Variants in FASN observed in about 807,000 individuals in gnomAD.
The protein encoded by FASN is 3-hydroxyacyl-[acyl-carrier-protein] dehydratase.
Under a neutral mutation model 250.0 loss-of-function variants are expected in FASN, and 50 were observed. The observed-to-expected ratio is 0.20, with a 90% CI of 0.16 to 0.25. FASN has a LOEUF of 0.25. Among genes scored for constraint, FASN ranks in the 10% least tolerant of loss-of-function variants. The pLI is 1.00. For missense variants in FASN, 3,031 were observed against 3,498.5 expected (o/e 0.87, Z 3.37); for synonymous variants, 1,909 against 1,584.0 (o/e 1.21, Z -4.87).
At position 82,088,342 on chromosome 17, in the gene FASN, C is replaced by A. The variant is rs370201536; in HGVS notation, c.2594-35G>T. 18 of 1,610,084 alleles carry A rather than the reference C, an allele frequency of 1.1e-5. No homozygotes were observed. The African/African-American group carries it at 2.1e-4, about 19-fold the overall frequency. On this transcript the variant is annotated intron_variant, in intron 16 of 42. Coordinates refer to ENST00000306749, the MANE Select transcript of FASN (RefSeq NM_004104.5). ...GGCACAGGCCTCAGCACAGAGCGGG[C>A]GTCTGTGGGGAGGGAAGAGTCTGCC...
Position 82,092,738 on chromosome 17 carries a change from C to T in FASN, c.853G>A (p.Glu285Lys). 6.2e-7 allele frequency: 1 copy of T among 1,604,272 alleles called. No individual in the cohort carries two copies. Among genetic ancestry groups the T allele is most frequent in the Non-Finnish European group, 8.5e-7 (1 of 1,177,284 alleles). ...SLYQSAGVAPESFEYIEAHGT... is the reference protein window; with the variant it reads ...SLYQSAGVAPKSFEYIEAHGT... ...TGGGCTTCGATGTATTCAAATGACT[C>T]AGGGGCCACTCCGGCCGACTGGTAC... The change falls in exon 7 of 43, where the codon GAG (glutamate) becomes AAG (lysine). Residue 285 changes from glutamate to lysine, a missense_variant. Physicochemically the swap from Glu to Lys is moderately conservative, Grantham distance 56. Coordinates refer to ENST00000306749, the MANE Select transcript of FASN (RefSeq NM_004104.5).
At chr17:82,096,588 G>A (rs899239436) in intron 1 of FASN, 136 bp from the exon 2 acceptor site, 16 of 1,358,536 alleles carry the variant, frequency 1.2e-5, no homozygotes, top group Non-Finnish European at 1.5e-5. Flanking sequence ...TGGCTCCTGC[G>A]GCTCCCTTCC....
chr17:82,093,754 G>A lies in FASN; in HGVS notation c.298C>T (p.Leu100Phe). 1 of 1,612,596 alleles carries A rather than the reference G, an allele frequency of 6.2e-7. No individual in the cohort carries two copies. The highest frequency in any genetic ancestry group is 1.3e-5 in the African/African-American group (1 of 75,044). Residue 100 changes from leucine (L) to phenylalanine (F), a missense_variant, in exon 4 of 43, where the codon CTC (leucine) becomes TTC (phenylalanine). Transcript: ENST00000306749. Reference sequence around the variant, plus strand: ...CAGACGCCAGTGTGTGTTCCTCGGAGTGAATCTGGGTTGATGCCTGCCACA... The same window carrying A: ...CAGACGCCAGTGTGTGTTCCTCGGAATGAATCTGGGTTGATGCCTGCCACA... ...IVDGGINPDSLRGTHTGVWVG... is the reference protein window; with the variant it reads ...IVDGGINPDSFRGTHTGVWVG...
At chr17:82,094,461 G>A (rs949641836) in intron 3 of FASN, among the ~76,000 whole-genome samples, 1 of 151,874 alleles carries the variant, frequency 6.6e-6, no homozygotes, top group African/African-American at 2.4e-5. Context: ...CCCTCAGGAG[G>A]TCCTTCTCCG....
rs1209132909 is a variant in FASN, at chr17:82,082,899, C to T, written c.5767+15G>A. The T allele has an allele frequency of 1.2e-6, 2 of 1,612,380 alleles. No individual in the cohort carries two copies. Among genetic ancestry groups the T allele is most frequent in the Non-Finnish European group, 1.7e-6 (2 of 1,179,786 alleles). On this transcript the variant is annotated intron_variant, in intron 33 of 42. Transcript: ENST00000306749. ...CCTGGCCCAGGCTGGTCCACAAGCACCCCTGCCGACTCACCTGTCCGGATC... is the reference window on the plus strand; with the variant it reads ...CCTGGCCCAGGCTGGTCCACAAGCATCCCTGCCGACTCACCTGTCCGGATC...
chr17:82,084,775 G>A (rs1363856398), intron 26 of FASN, 24 bp downstream of exon 26: 8 of 1,550,236 alleles, frequency 5.2e-6, no homozygotes, highest in Middle Eastern at 1.7e-4. Context: ...TCCCGGGAGG[G>A]GCAGGGCAGT....
intron 3 of FASN, 84 bp from the exon 4 acceptor site, chr17:82,093,855 TC>T: frequency 7.5e-7 from 1 of 1,338,558 alleles, no homozygotes; most frequent in Non-Finnish European, 9.8e-7. Flanking sequence ...GGGGCGAAGG[TC>T]CCATCTTGGC....
At chr17:82,090,809 C>A in intron 10 of FASN, 73 bp downstream of exon 10, 1 of 1,513,080 alleles carries the variant, frequency 6.6e-7, no homozygotes, top group South Asian at 1.2e-5. Flanking sequence ...CTCAACACTG[C>A]AGCTCCTGGG....
chr17:82,093,892 T>C, intron 3 of FASN, 121 bp from the exon 4 acceptor site: 1 of 991,078 alleles, frequency 1.0e-6, no homozygotes, highest in Non-Finnish European at 1.4e-6. Flanking sequence ...TGAGGGGGGG[T>C]CCATCCCAGT....
chr17:82,079,692 T>C, intron 41 of FASN, 84 bp from the exon 42 acceptor site: 1 of 1,502,344 alleles, frequency 6.7e-7, no homozygotes, highest in Non-Finnish European at 8.8e-7. Flanking sequence ...GGCTTTTTTT[T>C]TTTGAGACGA....
rs771445984 is a variant in FASN at position 82,092,758 on chromosome 17, T to C, written c.833A>G (p.Gln278Arg). 6.2e-7 allele frequency: 1 copy of C among 1,606,216 alleles called. No individual in the cohort carries two copies. The highest frequency in any genetic ancestry group is 8.5e-7 in the Non-Finnish European group (1 of 1,177,936). Reference sequence around the variant, plus strand: ...TGACTCAGGGGCCACTCCGGCCGACTGGTACAACGAGCGGATGAGCTGCTC... The same window carrying C: ...TGACTCAGGGGCCACTCCGGCCGACCGGTACAACGAGCGGATGAGCTGCTC... ...IQEQLIRSLY[Q>R]SAGVAPESFE... Residue 278 changes from glutamine (Q) to arginine (R), a missense_variant, in exon 7 of 43, where the codon CAG becomes CGG. By Grantham distance (43) the Gln-to-Arg change is conservative. Coordinates refer to ENST00000306749, the MANE Select transcript of FASN (RefSeq NM_004104.5).
Position 82,079,138 on chromosome 17 carries a change from C to G in FASN, c.*5G>C, listed in dbSNP as rs748284016. The G allele has an allele frequency of 1.2e-6, 2 of 1,609,920 alleles. No individual in the cohort carries two copies. The highest frequency in any genetic ancestry group is 2.7e-5 in the African/African-American group (2 of 74,918). On this transcript the variant is annotated 3_prime_UTR_variant, in exon 43 of 43. Transcript: ENST00000306749. The stretch of plus-strand genomic sequence containing the variant: ...TGACCTCCGGTGGCAGGCGGGGGCA[C>G]GGGCCTAGCCCTCCCGCACGCTCAC...
intron 11 of FASN, among the ~76,000 whole-genome samples, 174 bp downstream of exon 11, chr17:82,090,201 C>G (rs886385215): frequency 6.6e-6 from 1 of 152,218 alleles, no homozygotes. Flanking sequence ...AGGTGTGGGG[C>G]CAGTGGGGCA....
rs202024339 is a variant in FASN, at chr17:82,087,813, G to A, written c.2915C>T (p.Pro972Leu). The A allele has an allele frequency of 5.6e-6, 9 of 1,612,628 alleles. No homozygotes were observed. Among genetic ancestry groups the A allele is most frequent in the East Asian group, 2.2e-5 (1 of 44,880 alleles). ...CGTGGGGTTGGGGGTGGGGCTTTCC[G>A]GGTGGTCGAAGAGCCTGGGGTCAGG... ...DDPDPRLFDH[P>L]ESPTPNPTEP... The change falls in exon 19 of 43, where the codon CCG (proline) becomes CTG (leucine). Residue 972 changes from proline to leucine, a missense_variant. Transcript: ENST00000306749.
intron 3 of FASN, 122 bp from the exon 4 acceptor site, chr17:82,093,893 C>T (rs971967716): frequency 9.9e-7 from 1 of 1,006,570 alleles, no homozygotes; most frequent in African/African-American, 2.1e-5. Flanking sequence ...GAGGGGGGGT[C>T]CATCCCAGTG....
At chr17:82,085,945 A>G (rs1337419823) in intron 22 of FASN, 74 bp from the exon 23 acceptor site, 3 of 1,438,998 alleles carry the variant, frequency 2.1e-6, no homozygotes, top group East Asian at 2.5e-5. Flanking sequence ...CAAAATGTCC[A>G]TGAGGCCTCA....
At chr17:82,081,085 C>T (rs535074505) in intron 38 of FASN, 79 bp downstream of exon 38, 34 of 1,499,096 alleles carry the variant, frequency 2.3e-5, no homozygotes, top group Admixed American at 5.9e-5. Context: ...GTATGCCTGC[C>T]GGGACACGGT....
Position 82,088,870 on chromosome 17 carries a change from G to C in FASN, c.2311C>G (p.Leu771Val). ...CAGCTCGGCTTCAGGCCACGCTTCA[G>C]GACAGCCTGGGGGCGGCAGGGCAGG... is the stretch of plus-strand genomic sequence containing the variant. ...IAPHALLQAV[L>V]KRGLKPSCTI... The change falls in exon 15 of 43, where the codon CTG (leucine) becomes GTG (valine). Residue 771 changes from leucine (L) to valine (V), a missense_variant. By Grantham distance (32) the Leu-to-Val change is conservative. Coordinates refer to ENST00000306749, the MANE Select transcript of FASN (RefSeq NM_004104.5). 1 of 1,612,418 alleles carries C rather than the reference G, an allele frequency of 6.2e-7. No homozygotes were observed. Among genetic ancestry groups the C allele is most frequent in the Non-Finnish European group, 8.5e-7 (1 of 1,179,728 alleles).
At position 82,087,124 on chromosome 17, in the gene FASN, C is replaced by T. The variant is rs2034118571; in HGVS notation, c.3353G>A (p.Cys1118Tyr). The T allele has an allele frequency of 6.2e-7, 1 of 1,612,026 alleles. No individual in the cohort carries two copies. Among genetic ancestry groups the T allele is most frequent in the Non-Finnish European group, 8.5e-7 (1 of 1,179,864 alleles). ...CCCCTCCTCCGTGTGGGGAGTGAAG[C>T]AAAACTTCTCCAGGATGGGCACCTG... ...EQQVPILEKF[C>Y]FTPHTEEGCL... Residue 1118 changes from cysteine (C) to tyrosine (Y), a missense_variant, in exon 21 of 43, where the codon TGC (cysteine) becomes TAC (tyrosine). Coordinates refer to ENST00000306749, the MANE Select transcript of FASN (RefSeq NM_004104.5).
Sources: gnomAD v4.1 joint callset for allele counts (sites outside exome capture counted in the v4.1 genomes callset) on GRCh38, gnomAD v4.1.1 for gene constraint, MANE v1.5 for transcripts, NCBI Gene and HGNC (gene_info 2026-07-23, HGNC 2026-07-21) for gene names.